CLVS1: variants seen among roughly 807,000 people sequenced by gnomAD.
The protein encoded by CLVS1 is clavesin 1.
CLVS1 carries 10 observed loss-of-function variants against 33.1 expected under a neutral mutation model. The observed-to-expected ratio is 0.30, with a 90% CI of 0.19 to 0.51. CLVS1 has a LOEUF of 0.51. Among genes scored for constraint, CLVS1 ranks in the 20% least tolerant of loss-of-function variants. CLVS1 has a pLI of 0.97. For missense variants in CLVS1, 343 were observed against 433.4 expected (o/e 0.79, Z 1.85); for synonymous variants, 163 against 166.1 (o/e 0.98, Z 0.14).
At chr8:61,345,518 AG>A (rs1554561957) in intron 2 of CLVS1, among the ~76,000 whole-genome samples, 1 of 152,108 alleles carries the variant, frequency 6.6e-6, no homozygotes, top group Non-Finnish European at 1.5e-5. Context: ...AACAATTAAA[AG>A]TCCTGGCTGA....
At chr8:61,470,837 G>A (rs1017523062) in intron 5 of CLVS1, among the ~76,000 whole-genome samples, 1 of 152,180 alleles carries the variant, frequency 6.6e-6, no homozygotes, top group Non-Finnish European at 1.5e-5. Context: ...ATGTTCAAAT[G>A]GTGGTATTAG....
chr8:60,990,297 T>C, the CLVS1 span, among the ~76,000 whole-genome samples: 3 of 152,192 alleles, frequency 2.0e-5, no homozygotes, highest in East Asian at 5.8e-4. Flanking sequence ...GGAGGTCTGA[T>C]TATGGTCTGG....
the CLVS1 span, among the ~76,000 whole-genome samples, chr8:61,026,172 T>C: frequency 6.6e-5 from 10 of 152,010 alleles, no homozygotes; most frequent in African/African-American, 2.4e-4. Context: ...TCCAATATGG[T>C]GAGTGTTCTT....
At chr8:61,044,744 C>T in the CLVS1 span, among the ~76,000 whole-genome samples, 411 of 152,296 alleles carry the variant, frequency 2.7e-3, 2 homozygotes, top group African/African-American at 9.2e-3. Flanking sequence ...TAGAGTCTCA[C>T]ACCAGTACTG....
At chr8:61,086,241 A>G (rs571341212) in intron 1 of CLVS1, among the ~76,000 whole-genome samples, 9 of 151,754 alleles carry the variant, frequency 5.9e-5, no homozygotes, top group African/African-American at 2.2e-4. Context: ...ATAAATAAAT[A>G]AATAAATAAA....
At chr8:61,252,041 C>G (rs1201678525) in intron 2 of CLVS1, among the ~76,000 whole-genome samples, 2 of 152,152 alleles carry the variant, frequency 1.3e-5, no homozygotes, top group African/African-American at 2.4e-5. Flanking sequence ...CCTGCTTTCT[C>G]TTGTGGTCAT....
Position 61,149,544 on chromosome 8 carries a change from T to C in CLVS1, c.-152+17684T>C, listed in dbSNP as rs1374532895. ...TCCAGCCTAGGCGACAGAACGAGACTCTGTCTCAAAAAAAAAAAAAAAAAC... is the reference window on the plus strand; with the variant it reads ...TCCAGCCTAGGCGACAGAACGAGACCCTGTCTCAAAAAAAAAAAAAAAAAC... On this transcript the variant is annotated intron_variant, in intron 2 of 2. Coordinates refer to the CLVS1 transcript ENST00000522621. 4.7e-5 allele frequency among the ~76,000 whole-genome samples: 4 copies of C among 85,476 alleles called. No homozygotes were observed. The South Asian group carries it at 1.2e-3, about 25-fold the overall frequency. 56.1% of individuals were successfully genotyped at this position (85,476 alleles called of 152,430 possible). A position where few individuals can be genotyped will look rare whatever the true frequency, so the allele number is the denominator to read the frequency against.
chr8:61,021,104 T>A, the CLVS1 span, among the ~76,000 whole-genome samples: 1 of 152,212 alleles, frequency 6.6e-6, no homozygotes, highest in African/African-American at 2.4e-5. Flanking sequence ...TTTCACTCCT[T>A]TCCTGTTCCT....
chr8:60,979,271 G>T, the CLVS1 span, among the ~76,000 whole-genome samples: 2 of 152,184 alleles, frequency 1.3e-5, no homozygotes, highest in Non-Finnish European at 2.9e-5. Flanking sequence ...GAGCATCAAG[G>T]TTTGCACACA....
chr8:61,077,124 A>G (rs962453873), intron 1 of CLVS1, among the ~76,000 whole-genome samples: 7 of 151,948 alleles, frequency 4.6e-5, no homozygotes, highest in African/African-American at 1.7e-4. Flanking sequence ...CCCATGCTGG[A>G]GTGCAGTGGC....
At chr8:61,173,074 T>G (rs1807039576) in intron 2 of CLVS1, among the ~76,000 whole-genome samples, 1 of 152,118 alleles carries the variant, frequency 6.6e-6, no homozygotes, top group African/African-American at 2.4e-5. Flanking sequence ...ATGTGTCAAG[T>G]GCGCATTCAG....
chr8:61,253,893 AT>A (rs1230575310), intron 2 of CLVS1, among the ~76,000 whole-genome samples: 8 of 152,072 alleles, frequency 5.3e-5, no homozygotes, highest in Admixed American at 4.6e-4. Flanking sequence ...GAGTAGTTTG[AT>A]TGTCTGAAGC....
chr8:61,229,692 G>A (rs759984348), intron 2 of CLVS1, among the ~76,000 whole-genome samples: 56 of 152,204 alleles, frequency 3.7e-4, no homozygotes, highest in Non-Finnish European at 3.4e-4. Flanking sequence ...GTGCAGTGGC[G>A]CAATCTTGGC....
chr8:61,006,978 T>C, the CLVS1 span, among the ~76,000 whole-genome samples: 1 of 152,268 alleles, frequency 6.6e-6, no homozygotes, highest in Non-Finnish European at 1.5e-5. Context: ...TGCATTCTTC[T>C]GTTTCATGCT....
intron 2 of CLVS1, among the ~76,000 whole-genome samples, chr8:61,194,620 C>G (rs962882021): frequency 2.6e-5 from 4 of 151,832 alleles, no homozygotes; most frequent in Non-Finnish European, 5.9e-5. Context: ...GAAATTTTAA[C>G]ATACATCTTT....
chr8:61,208,647 G>A (rs1454040268), intron 2 of CLVS1, among the ~76,000 whole-genome samples: 2 of 144,254 alleles, frequency 1.4e-5, no homozygotes, highest in African/African-American at 5.4e-5. Flanking sequence ...AGAGTGTAGT[G>A]GCATGATCTC....
intron 1 of CLVS1, among the ~76,000 whole-genome samples, chr8:61,289,346 C>CT (rs1809893868): frequency 6.6e-6 from 1 of 152,216 alleles, no homozygotes; most frequent in Non-Finnish European, 1.5e-5. Context: ...TTTCAAATGT[C>CT]TGATTAATTT....
intron 1 of CLVS1, among the ~76,000 whole-genome samples, chr8:61,065,299 G>A (rs1804655821): frequency 6.6e-6 from 1 of 152,090 alleles, no homozygotes; most frequent in African/African-American, 2.4e-5. Context: ...AAAATGACAA[G>A]AAAAAAGTCT....
At chr8:61,396,069 G>A (rs1170406659) in intron 3 of CLVS1, among the ~76,000 whole-genome samples, 87 of 152,200 alleles carry the variant, frequency 5.7e-4, no homozygotes, top group Non-Finnish European at 7.4e-5. Context: ...TTCTTTTTAT[G>A]TACATAATTG....
Sources: gnomAD v4.1 joint callset for allele counts (sites outside exome capture counted in the v4.1 genomes callset) on GRCh38, gnomAD v4.1.1 for gene constraint, MANE v1.5 for transcripts, NCBI Gene and HGNC (gene_info 2026-07-23, HGNC 2026-07-21) for gene names.